Variants in SIPA1L1 observed in about 807,000 individuals in gnomAD.
SIPA1L1 encodes the protein signal-induced proliferation-associated 1-like protein 1.
Under a neutral mutation model 162.7 loss-of-function variants are expected in SIPA1L1, and 26 were observed. The ratio of observed to expected loss-of-function variants is 0.16; its 90% confidence interval spans 0.12 to 0.22. SIPA1L1 has a LOEUF of 0.22. SIPA1L1 is among the 10% of genes least tolerant of loss of function. The probability of loss-of-function intolerance (pLI) is 1.00; values close to 1 mark genes in which losing one functional copy is unlikely to be tolerated. For synonymous variants in SIPA1L1, 829 were observed against 837.4 expected, an observed-to-expected ratio of 0.99 and a Z score of 0.17; for missense variants, 1,874 against 2,241.0, an observed-to-expected ratio of 0.84 and a Z score of 3.31.
chr14:71,610,687 T>C (rs1188459015), intron 5 of SIPA1L1, among the ~76,000 whole-genome samples: 1 of 152,220 alleles, frequency 6.6e-6, no homozygotes, highest in Non-Finnish European at 1.5e-5. Flanking sequence ...TATGTCCTTT[T>C]GTTTTAAATA....
chr14:71,731,115 A>G (rs1416214558), intron 20 of SIPA1L1, among the ~76,000 whole-genome samples: 1 of 152,012 alleles, frequency 6.6e-6, no homozygotes, highest in Admixed American at 6.6e-5. Flanking sequence ...TGCAGCTTTT[A>G]TATCTCCAGT....
At chr14:71,614,034 TA>T (rs964261703) in intron 5 of SIPA1L1, among the ~76,000 whole-genome samples, 1 of 151,548 alleles carries the variant, frequency 6.6e-6, no homozygotes, top group Non-Finnish European at 1.5e-5. Context: ...AAACCTCTAC[TA>T]AAAAAAATAG....
At chr14:71,567,940 C>T (rs2031076213) in intron 4 of SIPA1L1, among the ~76,000 whole-genome samples, 1 of 152,234 alleles carries the variant, frequency 6.6e-6, no homozygotes, top group South Asian at 2.1e-4. Flanking sequence ...TTGTAAACTG[C>T]AGTAGTGCTG....
At chr14:71,481,112 GT>G (rs1473964570) in intron 2 of SIPA1L1, among the ~76,000 whole-genome samples, 2 of 152,104 alleles carry the variant, frequency 1.3e-5, no homozygotes, top group African/African-American at 4.8e-5. Flanking sequence ...CAATTATTGA[GT>G]TGCCTTTGAG....
chr14:71,652,640 C>A (rs542348252), intron 8 of SIPA1L1, among the ~76,000 whole-genome samples: 280 of 151,494 alleles, frequency 1.8e-3, no homozygotes, highest in Non-Finnish European at 1.4e-3. Context: ...TTTTTTTTCC[C>A]CCTAACCTTT....
At chr14:71,464,724 C>T (rs778491304) in intron 2 of SIPA1L1, among the ~76,000 whole-genome samples, 2 of 152,188 alleles carry the variant, frequency 1.3e-5, no homozygotes, top group African/African-American at 4.8e-5. Flanking sequence ...CTTGATCCAA[C>T]TCTATGTTCC....
intron 2 of SIPA1L1, among the ~76,000 whole-genome samples, chr14:71,433,728 C>T (rs1401658293): frequency 6.6e-6 from 1 of 152,102 alleles, no homozygotes; most frequent in Non-Finnish European, 1.5e-5. Flanking sequence ...TCTTACATTG[C>T]AAAATAAGGC....
chr14:71,721,901 G>C (rs1233446731), intron 17 of SIPA1L1, among the ~76,000 whole-genome samples: 2 of 152,218 alleles, frequency 1.3e-5, no homozygotes, highest in Non-Finnish European at 2.9e-5. Context: ...GGCCACCTTG[G>C]TCAGCTGGTG....
intron 2 of SIPA1L1, among the ~76,000 whole-genome samples, chr14:71,487,300 C>G (rs564749137): frequency 9.2e-5 from 14 of 152,266 alleles, no homozygotes; most frequent in African/African-American, 3.4e-4. Flanking sequence ...ACTGAATGTT[C>G]CCTGGTCTCT....
chr14:71,324,441 C>T (rs1267912832), intron 2 of SIPA1L1, among the ~76,000 whole-genome samples: 2 of 152,208 alleles, frequency 1.3e-5, no homozygotes, highest in South Asian at 2.1e-4. Context: ...ACTACTTTCT[C>T]CCCCCACTTA....
intron 2 of SIPA1L1, among the ~76,000 whole-genome samples, chr14:71,467,641 G>A (rs1239896054): frequency 6.6e-6 from 1 of 152,108 alleles, no homozygotes; most frequent in Non-Finnish European, 1.5e-5. Context: ...TGTCCCTTAT[G>A]TTTTTAAGTA....
At chr14:71,612,607 A>T (rs191256867) in intron 5 of SIPA1L1, among the ~76,000 whole-genome samples, 4 of 152,330 alleles carry the variant, frequency 2.6e-5, no homozygotes, top group Non-Finnish European at 4.4e-5. Context: ...ATTAATACAT[A>T]GCCTGCAGAT....
At chr14:71,386,042 A>G (rs1217810582) in intron 2 of SIPA1L1, among the ~76,000 whole-genome samples, 2 of 152,060 alleles carry the variant, frequency 1.3e-5, no homozygotes, top group Non-Finnish European at 2.9e-5. Flanking sequence ...CGTATATCTC[A>G]GTTTGTACTA....
At chr14:71,689,445 C>G (rs2081096808) in intron 13 of SIPA1L1, among the ~76,000 whole-genome samples, 1 of 152,142 alleles carries the variant, frequency 6.6e-6, no homozygotes, top group Admixed American at 6.5e-5. Context: ...ATTTTGGCCT[C>G]AAATTTACCT....
intron 2 of SIPA1L1, among the ~76,000 whole-genome samples, chr14:71,431,497 A>C (rs537712226): frequency 6.6e-6 from 1 of 152,056 alleles, no homozygotes; most frequent in African/African-American, 2.4e-5. Context: ...GTTCGAGACC[A>C]GCCTGGGCAA....
At position 71,724,643 on chromosome 14, in the gene SIPA1L1, C is replaced by CT; in HGVS notation, c.4449-26dup. ...TGAGCCAGCCTTGTTGAGTTGGTAT[C>CT]TATCATCTCTTCCCTTTTTTGTCCA... On this transcript the variant is annotated intron_variant, in intron 18 of 23. Coordinates refer to ENST00000381232, the MANE Select transcript of SIPA1L1 (RefSeq NM_001386936.1). 1.9e-6 allele frequency: 3 copies of CT among 1,601,382 alleles called. No individual in the cohort carries two copies. The South Asian group carries it at 3.4e-5, about 18-fold the overall frequency.
At chr14:71,705,405 A>G (rs1597115001) in intron 16 of SIPA1L1, 65 bp downstream of exon 16, 1 of 1,176,926 alleles carries the variant, frequency 8.5e-7, no homozygotes, top group East Asian at 2.3e-5. Context: ...TGCACTATGA[A>G]AATGCTCTGC....
intron 2 of SIPA1L1, among the ~76,000 whole-genome samples, chr14:71,409,683 G>A (rs2042271245): frequency 6.6e-6 from 1 of 152,156 alleles, no homozygotes; most frequent in Non-Finnish European, 1.5e-5. Context: ...CATCATTGTA[G>A]TTTTGTAGGA....
chr14:71,643,423 A>G (rs762160336), intron 7 of SIPA1L1, among the ~76,000 whole-genome samples: 2 of 152,254 alleles, frequency 1.3e-5, no homozygotes, highest in African/African-American at 2.4e-5. Flanking sequence ...GCTTTTGTTC[A>G]TAAGACTTTT....
Sources: gnomAD v4.1 joint callset for allele counts (sites outside exome capture counted in the v4.1 genomes callset) on GRCh38, gnomAD v4.1.1 for gene constraint, MANE v1.5 for transcripts, NCBI Gene and HGNC (gene_info 2026-07-23, HGNC 2026-07-21) for gene names.